TBC1D20: variants seen among roughly 807,000 people sequenced by gnomAD.
TBC1D20 encodes TBC1 domain family member 20, also known as chromosome 20 open reading frame 140.
TBC1D20 carries 12 observed loss-of-function variants against 41.6 expected under a neutral mutation model. That is an observed-to-expected ratio of 0.29 (90% CI 0.18 to 0.47). The LOEUF (loss-of-function observed/expected upper bound fraction) is 0.47. TBC1D20 is among the 20% of genes least tolerant of loss of function. TBC1D20 has a pLI of 1.00. For synonymous variants in TBC1D20, 205 were observed against 204.8 expected (o/e 1.00, Z -0.01); for missense variants, 421 against 517.4 (o/e 0.81, Z 1.81).
At chr20:455,851 G>A (rs1205261677) in intron 1 of TBC1D20, among the ~76,000 whole-genome samples, 3 of 152,064 alleles carry the variant, frequency 2.0e-5, no homozygotes, top group Non-Finnish European at 4.4e-5. Flanking sequence ...AGAATCACTT[G>A]AACCCAAGAG....
chr20:435,531 A>G lies in TBC1D20; in HGVS notation c.*3055T>C, dbSNP rs774147746. ...TTATTAGAAAAGGATACAAATAAGT[A>G]AACAGCCAGATGAAGATACACACAG... is the stretch of plus-strand genomic sequence containing the variant. On this transcript the variant is annotated 3_prime_UTR_variant, in exon 8 of 8. Transcript: ENST00000354200. The G allele has an allele frequency of 3.9e-5, 6 of 153,678 alleles. No individual in the cohort carries two copies. The highest frequency in any genetic ancestry group is 5.9e-5 in the Non-Finnish European group (4 of 68,046). 9.5% of individuals were successfully genotyped at this position (153,678 alleles called of 1,614,324 possible).
intron 6 of TBC1D20, 129 bp downstream of exon 6, chr20:440,119 C>T: frequency 8.0e-7 from 1 of 1,245,760 alleles, no homozygotes; most frequent in Non-Finnish European, 1.1e-6. Context: ...GAATGGTGTC[C>T]AGGGACACCA....
At chr20:452,475 G>A (rs1369084597) in intron 1 of TBC1D20, among the ~76,000 whole-genome samples, 2 of 152,042 alleles carry the variant, frequency 1.3e-5, no homozygotes, top group Non-Finnish European at 2.9e-5. Flanking sequence ...CAAAAAGTAC[G>A]AAAAGTTAGC....
At chr20:447,282 C>T (rs922938699) in intron 2 of TBC1D20, among the ~76,000 whole-genome samples, 1 of 150,464 alleles carries the variant, frequency 6.6e-6, no homozygotes, top group African/African-American at 2.4e-5. Context: ...TTTTAAAAAA[C>T]ACTTGCCAAG....
At position 439,594 on chromosome 20, in the gene TBC1D20, G is replaced by A. The variant is rs921841869; in HGVS notation, c.769-299C>T. Among the ~76,000 whole-genome samples the A allele has an allele frequency of 2.6e-5, 4 of 152,214 alleles. No individual in the cohort carries two copies. The highest frequency in any genetic ancestry group is 9.7e-5 in the African/African-American group (4 of 41,446). ...TGTCCCTTTAAGTCTTGAAAGAAAT[G>A]AAGGAGATTCTTTTAGGAGAAAGTA... On this transcript the variant is annotated intron_variant, in intron 6 of 7. Coordinates refer to ENST00000354200, the MANE Select transcript of TBC1D20 (RefSeq NM_144628.4). This position sits in a 1 kb window ranked among gnomAD's most constrained non-coding sequence, Gnocchi z 4.6.
chr20:445,614 A>G lies in TBC1D20; in HGVS notation c.257-484T>C, dbSNP rs531020767. On this transcript the variant is annotated intron_variant, in intron 2 of 7. Transcript: ENST00000354200. The stretch of plus-strand genomic sequence containing the variant: ...TTGAGACTCACATAAAGAACCACCT[A>G]ACAACTCTTGACCCAGCAATTCTAA... Among the ~76,000 whole-genome samples, 3 of 152,346 alleles carry G rather than the reference A, an allele frequency of 2.0e-5. No individual in the cohort carries two copies. In the South Asian group the frequency reaches 6.2e-4, roughly 32 times the overall value.
intron 1 of TBC1D20, among the ~76,000 whole-genome samples, chr20:460,271 G>T (rs1381546126): frequency 6.6e-6 from 1 of 152,024 alleles, no homozygotes; most frequent in Non-Finnish European, 1.5e-5. Context: ...CACAACTACT[G>T]ATATTGACAT....
chr20:461,056 CAAATAAAATATA>C (rs1179831680), intron 1 of TBC1D20, among the ~76,000 whole-genome samples: 17 of 152,174 alleles, frequency 1.1e-4, no homozygotes, highest in African/African-American at 3.4e-4. Context: ...AAAATGAGCC[CAAATAAAATATA>C]AAATAAAATA....
At chr20:446,092 T>G (rs1488694140) in intron 2 of TBC1D20, among the ~76,000 whole-genome samples, 1 of 152,250 alleles carries the variant, frequency 6.6e-6, no homozygotes, top group Non-Finnish European at 1.5e-5. Flanking sequence ...ATAGCACAAC[T>G]AATATTTGCC....
chr20:457,742 T>A (rs1159420315), intron 1 of TBC1D20, among the ~76,000 whole-genome samples: 1 of 151,760 alleles, frequency 6.6e-6, no homozygotes, highest in African/African-American at 2.4e-5. Flanking sequence ...CGCAAAGGAG[T>A]CTGGGTTTAT....
In TBC1D20 at chr20:438,814, A is replaced by G. The variant is rs1279440777; in HGVS notation, c.984T>C (p.Phe328=). Residue 328 remains phenylalanine, a synonymous_variant, in exon 8 of 8, where the codon TTT becomes TTC. Transcript: ENST00000354200. ...ERTAASTFKD[F]ELASAQQRPD... is the part of the protein sequence containing the mutation. ...GCCTCTGCTGGGCTGATGCCAGCTC[A>G]AAGTCTTTGAAAGTAGAGGCTGCCG... 2 of 1,613,532 alleles carry G rather than the reference A, an allele frequency of 1.2e-6. No individual in the cohort carries two copies. The highest frequency in any genetic ancestry group is 1.3e-5 in the African/African-American group (1 of 74,918).
rs751020718 is a variant in TBC1D20, at chr20:440,274, G to A, written c.742C>T (p.Leu248=). The change falls in exon 6 of 8, where the codon CTG becomes TTG. Residue 248 remains leucine, a synonymous_variant. Transcript: ENST00000354200. ...ACGGCTGCAAAGTAAATCGGCATCA[G>A]TGGGTGGCAGGCCAGGAAGAAGTCA... is the stretch of plus-strand genomic sequence containing the variant. ...LYDFFLACHP[L]MPIYFAAVIV... 3.1e-6 allele frequency: 5 copies of A among 1,613,766 alleles called. No individual in the cohort carries two copies. In the South Asian group the frequency reaches 5.5e-5, roughly 18 times the overall value.
At chr20:453,569 G>C (rs1285965743) in intron 1 of TBC1D20, among the ~76,000 whole-genome samples, 2 of 103,736 alleles carry the variant, frequency 1.9e-5, no homozygotes, top group African/African-American at 8.4e-5. Flanking sequence ...TTTTTGAGAC[G>C]GAGTCTCGCC....
chr20:451,934 T>C (rs1244010941), intron 1 of TBC1D20, among the ~76,000 whole-genome samples: 1 of 152,226 alleles, frequency 6.6e-6, no homozygotes, highest in Non-Finnish European at 1.5e-5. Flanking sequence ...GAATTCTGTA[T>C]TGTAATTTTG....
At chr20:447,274 T>G (rs1311963198) in intron 2 of TBC1D20, among the ~76,000 whole-genome samples, 1 of 151,858 alleles carries the variant, frequency 6.6e-6, no homozygotes, top group East Asian at 1.9e-4. Flanking sequence ...ATATGCATTT[T>G]TAAAAAACAC....
At chr20:458,021 A>G (rs2017571055) in intron 1 of TBC1D20, among the ~76,000 whole-genome samples, 1 of 152,212 alleles carries the variant, frequency 6.6e-6, no homozygotes, top group Non-Finnish European at 1.5e-5. Flanking sequence ...GGCAATACTG[A>G]ATACTGCTTG....
At chr20:462,293 C>A (rs708978) in intron 1 of TBC1D20, 43 bp downstream of exon 1, 16 of 1,237,926 alleles carry the variant, frequency 1.3e-5, no homozygotes, top group Non-Finnish European at 1.6e-5. Flanking sequence ...CCCCCCGGGC[C>A]GCCCTCGCAG....
At chr20:450,114 C>A (rs553664010) in intron 1 of TBC1D20, among the ~76,000 whole-genome samples, 1 of 151,818 alleles carries the variant, frequency 6.6e-6, no homozygotes, top group African/African-American at 2.4e-5. Flanking sequence ...TCCTGTTACA[C>A]GCTACTACAA....
Position 440,298 on chromosome 20 carries a change from C to T in TBC1D20, c.718G>A (p.Asp240Asn). The change falls in exon 6 of 8, where the codon GAC becomes AAC. Residue 240 changes from aspartate to asparagine, a missense_variant. Transcript: ENST00000354200. ...SDFRHVVRLY[D>N]FFLACHPLMP... ...AGTGGGTGGCAGGCCAGGAAGAAGT[C>T]ATATAACCGCACGACGTGCCTGAAG... The T allele has an allele frequency of 6.2e-7, 1 of 1,614,046 alleles. No individual in the cohort carries two copies.
Sources: allele counts gnomAD v4.1 joint callset (sites outside exome capture counted in the v4.1 genomes callset), GRCh38; gene constraint gnomAD v4.1.1; non-coding constraint Gnocchi (gnomAD v3.1); transcripts MANE v1.5; gene names NCBI Gene and HGNC (gene_info 2026-07-23, HGNC 2026-07-21).